Variants in TENM3 observed in about 807,000 individuals in gnomAD.
TENM3 encodes teneurin-3.
TENM3 carries 63 observed loss-of-function variants against 255.1 expected under a neutral mutation model. The ratio of observed to expected loss-of-function variants is 0.25; its 90% confidence interval spans 0.20 to 0.30. The LOEUF (loss-of-function observed/expected upper bound fraction) is 0.30. Ranked by LOEUF, TENM3 falls within the 10% of genes least tolerant of loss-of-function variation. TENM3 has a pLI of 1.00. For synonymous variants in TENM3, 1,306 were observed against 1,322.3 expected, an observed-to-expected ratio of 0.99 and a Z score of 0.27; for missense variants, 2,929 against 3,461.1, an observed-to-expected ratio of 0.85 and a Z score of 3.86.
At chr4:182,111,189 C>CTTTTTTTTT in the TENM3 span, among the ~76,000 whole-genome samples, 148 of 80,454 alleles carry the variant, frequency 1.8e-3, no homozygotes, top group Non-Finnish European at 2.2e-3. Context: ...GTCTTCTTCT[C>CTTTTTTTTT]TTTTTTTTTT....
intron 1 of TENM3, among the ~76,000 whole-genome samples, chr4:182,147,110 TA>T (rs577997814): frequency 6.6e-6 from 1 of 152,320 alleles, no homozygotes; most frequent in South Asian, 2.1e-4. Flanking sequence ...ATCCAGTTAG[TA>T]AGTTCAAGCT....
the TENM3 span, among the ~76,000 whole-genome samples, chr4:181,603,329 T>C: frequency 6.6e-6 from 1 of 152,278 alleles, no homozygotes. Context: ...GGGGCGTCTA[T>C]GGAAGTGCGG....
chr4:181,753,886 G>A, the TENM3 span, among the ~76,000 whole-genome samples: 25 of 152,126 alleles, frequency 1.6e-4, no homozygotes, highest in African/African-American at 6.0e-4. Flanking sequence ...GTCTGTATTC[G>A]TCAAAATGAT....
rs1475739296 is a variant in TENM3, at chr4:182,324,180, T to A, written c.160T>A (p.Ser54Thr). 1.9e-6 allele frequency: 3 copies of A among 1,613,854 alleles called. No homozygotes were observed. Among genetic ancestry groups the A allele is most frequent in the Middle Eastern group, 3.3e-4 (2 of 6,084 alleles). The change falls in exon 2 of 28, where the codon TCC (serine) becomes ACC (threonine). Residue 54 changes from serine to threonine, a missense_variant. This residue lies in a region of TENM3 where 283 missense variants were observed against 256.9 expected (regional missense o/e 1.10). Coordinates refer to ENST00000511685, the MANE Select transcript of TENM3 (RefSeq NM_001080477.4). Reference protein sequence around the residue: ...SETLKAFDHDSSRLLYGNRVK... With the variant: ...SETLKAFDHDTSRLLYGNRVK... ...GACATTGAAAGCTTTTGATCATGAT[T>A]CCTCGCGGCTGCTTTACGGCAACAG...
intron 1 of TENM3, among the ~76,000 whole-genome samples, chr4:182,227,528 G>A (rs1756245891): frequency 6.6e-6 from 1 of 151,754 alleles, no homozygotes; most frequent in African/African-American, 2.4e-5. Context: ...GGTCTCTCCA[G>A]TTTTTACTCT....
At chr4:182,562,666 C>T (rs1743325122) in intron 3 of TENM3, among the ~76,000 whole-genome samples, 1 of 152,154 alleles carries the variant, frequency 6.6e-6, no homozygotes, top group South Asian at 2.1e-4. Flanking sequence ...TTACTCCTAT[C>T]CTATGCTACT....
At chr4:182,732,599 G>C (rs539467747) in intron 16 of TENM3, among the ~76,000 whole-genome samples, 1 of 152,326 alleles carries the variant, frequency 6.6e-6, no homozygotes, top group Non-Finnish European at 1.5e-5. Flanking sequence ...GCCAAGGCAG[G>C]AGGATGGATC....
intron 3 of TENM3, among the ~76,000 whole-genome samples, chr4:182,501,343 T>TA (rs1055448196): frequency 4.3e-5 from 6 of 138,608 alleles, no homozygotes; most frequent in Non-Finnish European, 7.8e-5. Context: ...CTCTTGAGGT[T>TA]AAAAAAATAG....
chr4:181,729,982 G>A, the TENM3 span, among the ~76,000 whole-genome samples: 2 of 152,164 alleles, frequency 1.3e-5, no homozygotes, highest in East Asian at 1.9e-4. Flanking sequence ...CTTTATTGGG[G>A]ATATCAGTTT....
At chr4:181,455,775 C>G in the TENM3 span, among the ~76,000 whole-genome samples, 1 of 151,836 alleles carries the variant, frequency 6.6e-6, no homozygotes, top group Non-Finnish European at 1.5e-5. Flanking sequence ...AAAAGAGGCT[C>G]AAGATTCTGA....
the TENM3 span, among the ~76,000 whole-genome samples, chr4:182,054,066 A>G: frequency 6.6e-6 from 1 of 152,144 alleles, no homozygotes; most frequent in Non-Finnish European, 1.5e-5. Context: ...CATAAAATCA[A>G]TAGCCCAGCA....
chr4:182,673,092 C>T lies in TENM3; in HGVS notation c.1199C>T (p.Pro400Leu). 2 of 1,612,830 alleles carry T rather than the reference C, an allele frequency of 1.2e-6. No homozygotes were observed. The highest frequency in any genetic ancestry group is 8.5e-7 in the Non-Finnish European group (1 of 1,179,250). The change falls in exon 7 of 28, where the codon CCC becomes CTC. Residue 400 changes from proline to leucine, a missense_variant. Around this residue, in one of 6 missense-constraint regions of TENM3, gnomAD observed 1,608 missense variants for 1,884.4 expected, o/e 0.85. Coordinates refer to ENST00000511685, the MANE Select transcript of TENM3 (RefSeq NM_001080477.4). The part of the protein sequence containing the change: ...IGRRAIQEIP[P>L]GIFWRSQLFI... ...CGAAGAGCAATTCAAGAGATTCCTC[C>T]CGGGATCTTCTGGAGATCACAGCTC... is the stretch of plus-strand genomic sequence containing the variant.
intron 6 of TENM3, among the ~76,000 whole-genome samples, chr4:182,658,337 C>G (rs1659228630): frequency 6.6e-6 from 1 of 152,194 alleles, no homozygotes; most frequent in Admixed American, 6.5e-5. Context: ...CTAAATACTG[C>G]TGTTTCTCAG....
chr4:181,657,541 G>A, the TENM3 span, among the ~76,000 whole-genome samples: 1 of 152,142 alleles, frequency 6.6e-6, no homozygotes, highest in Non-Finnish European at 1.5e-5. Context: ...TACTGTTGGT[G>A]GAAATGTGAA....
intron 1 of TENM3, among the ~76,000 whole-genome samples, chr4:182,286,252 C>T (rs950609083): frequency 8.5e-5 from 13 of 152,206 alleles, no homozygotes; most frequent in African/African-American, 3.1e-4. Flanking sequence ...GAACAGTGGC[C>T]ATGCAGGCAG....
the TENM3 span, among the ~76,000 whole-genome samples, chr4:181,888,522 ATATACATATATGTG>A: frequency 5.5e-4 from 51 of 92,504 alleles, 2 homozygotes; most frequent in South Asian, 5.3e-3. Flanking sequence ...ATATGTATAT[ATATACATATATGTG>A]TATATATATA....
chr4:182,614,359 T>C (rs6821595), intron 4 of TENM3, among the ~76,000 whole-genome samples: 8,567 of 152,236 alleles, frequency 0.056, 259 homozygotes, highest in African/African-American at 0.083. Flanking sequence ...GGCCAATTTT[T>C]AGAAAATTCA....
chr4:182,209,707 A>G (rs1754855852), intron 1 of TENM3, among the ~76,000 whole-genome samples: 1 of 152,116 alleles, frequency 6.6e-6, no homozygotes, highest in Non-Finnish European at 1.5e-5. Flanking sequence ...GCTTGGGAGT[A>G]CAGTAGCTGA....
At chr4:181,976,819 C>G in the TENM3 span, among the ~76,000 whole-genome samples, 1 of 152,116 alleles carries the variant, frequency 6.6e-6, no homozygotes, top group Admixed American at 6.5e-5. Context: ...GAGCTACAAA[C>G]CAAGCCCTTT....
Sources: allele counts gnomAD v4.1 joint callset (sites outside exome capture counted in the v4.1 genomes callset), GRCh38; gene constraint gnomAD v4.1.1; regional missense constraint gnomAD v4.1.1; transcripts MANE v1.5; gene names NCBI Gene and HGNC (gene_info 2026-07-23, HGNC 2026-07-21).